The following MEF2C variants were observed in gnomAD, a reference collection of about 807,000 sequenced individuals.
The protein encoded by MEF2C is myocyte-specific enhancer factor 2C.
MEF2C carries 6 observed loss-of-function variants against 50.5 expected under a neutral mutation model. The observed-to-expected ratio is 0.12, with a 90% CI of 0.07 to 0.23. The LOEUF (loss-of-function observed/expected upper bound fraction) is 0.23, where lower values mean the gene tolerates loss of function less well. Among genes scored for constraint, MEF2C ranks in the 10% least tolerant of loss-of-function variants. The pLI, the probability that MEF2C is intolerant of heterozygous loss-of-function variation, is 1.00. For synonymous variants in MEF2C, 183 were observed against 228.0 expected, an observed-to-expected ratio of 0.80 and a Z score of 1.78; for missense variants, 276 against 605.0, an observed-to-expected ratio of 0.46 and a Z score of 5.70.
chr5:88,843,234 TA>T (rs895815640), intron 1 of MEF2C: 8,907 of 604,212 alleles, frequency 0.015, 1 homozygote, highest in Non-Finnish European at 0.016. Flanking sequence ...AATTCTATGG[TA>T]AAAAAAAAAG....
chr5:88,845,785 G>A (rs973495766), intron 1 of MEF2C, among the ~76,000 whole-genome samples: 3 of 152,100 alleles, frequency 2.0e-5, no homozygotes, highest in East Asian at 1.9e-4. Flanking sequence ...TCGCTCTGTC[G>A]CCAGGCTGGA....
At chr5:88,821,105 TAA>T (rs1174061057) in intron 2 of MEF2C, among the ~76,000 whole-genome samples, 1 of 151,996 alleles carries the variant, frequency 6.6e-6, no homozygotes, top group Non-Finnish European at 1.5e-5. Flanking sequence ...AAAAAAATGA[TAA>T]GTCAAACTAA....
chr5:88,812,631 ATAAT>A (rs1803377891), intron 2 of MEF2C, among the ~76,000 whole-genome samples: 3 of 152,236 alleles, frequency 2.0e-5, no homozygotes, highest in South Asian at 4.1e-4. Context: ...CAACGATTTT[ATAAT>A]TAATTATCTC....
At chr5:88,764,625 T>A (rs866884047) in intron 3 of MEF2C, among the ~76,000 whole-genome samples, 56 of 152,070 alleles carry the variant, frequency 3.7e-4, no homozygotes, top group African/African-American at 1.2e-3. Flanking sequence ...CTGGCCAGCA[T>A]GGTGAAACCT....
At chr5:88,743,129 T>G in intron 6 of MEF2C, 2 of 936,228 alleles carry the variant, frequency 2.1e-6, no homozygotes, top group Non-Finnish European at 2.5e-6. Context: ...ATTTGCTGCT[T>G]AATAATATTT....
At chr5:88,863,269 A>T (rs921041759) in intron 1 of MEF2C, among the ~76,000 whole-genome samples, 3 of 152,234 alleles carry the variant, frequency 2.0e-5, no homozygotes, top group Admixed American at 1.3e-4. Flanking sequence ...ATCAGACTGA[A>T]TTCCTCAACA....
At chr5:88,835,295 T>C (rs1814636775) in intron 1 of MEF2C, among the ~76,000 whole-genome samples, 1 of 152,192 alleles carries the variant, frequency 6.6e-6, no homozygotes, top group Non-Finnish European at 1.5e-5. Flanking sequence ...ATTTATTTCA[T>C]CTCTCAAAGG....
chr5:88,753,354 T>G (rs1321274759), intron 4 of MEF2C, among the ~76,000 whole-genome samples: 1 of 152,156 alleles, frequency 6.6e-6, no homozygotes, highest in African/African-American at 2.4e-5. Flanking sequence ...CTTTCACACA[T>G]CTTTGATTTT....
At chr5:88,739,147 T>C (rs1765365233) in intron 6 of MEF2C, 1 of 984,904 alleles carries the variant, frequency 1.0e-6, no homozygotes, top group African/African-American at 1.7e-5. Context: ...TATCTGCGAT[T>C]AGTTGTTACC....
At position 88,810,739 on chromosome 5, in the gene MEF2C, T is replaced by C. The variant is rs548023918; in HGVS notation, c.55-5938A>G. 1.5e-4 allele frequency among the ~76,000 whole-genome samples: 23 copies of C among 152,234 alleles called. No individual in the cohort carries two copies. The East Asian group carries it at 3.9e-3, about 26-fold the overall frequency. The stretch of plus-strand genomic sequence containing the variant: ...AAGTCTCTAGTAAAGTGCCATAGAA[T>C]TCAGTACTTTTCCCATCCCAGGAGA... On this transcript the variant is annotated intron_variant, in intron 2 of 10. Transcript: ENST00000504921.
chr5:88,753,554 TA>T, intron 4 of MEF2C, among the ~76,000 whole-genome samples: 1 of 152,220 alleles, frequency 6.6e-6, no homozygotes, highest in East Asian at 1.9e-4. Context: ...CACGCCCAGC[TA>T]TTTTTTTGTA....
rs140498654 is a variant in MEF2C, at chr5:88,778,363, A to C, written c.259-17035T>G. Among the ~76,000 whole-genome samples, 278 of 152,324 alleles carry C rather than the reference A, an allele frequency of 1.8e-3. 11 individuals carry two copies. In the East Asian group the frequency reaches 0.04, roughly 22 times the overall value. The stretch of plus-strand genomic sequence containing the variant: ...CCTCAAGTCTCTGTGACTAACAAAA[A>C]GGTCCACTTTATTATTTTGGCACCT... On this transcript the variant is annotated intron_variant, in intron 3 of 10. Coordinates refer to ENST00000504921, the MANE Select transcript of MEF2C (RefSeq NM_002397.5).
intron 3 of MEF2C, among the ~76,000 whole-genome samples, chr5:88,796,849 A>G (rs1580850621): frequency 6.6e-6 from 1 of 152,208 alleles, no homozygotes; most frequent in South Asian, 2.1e-4. Context: ...GTTTCAAAGA[A>G]CTTACTTATT....
chr5:88,784,524 T>C (rs1422894709), intron 3 of MEF2C, among the ~76,000 whole-genome samples: 1 of 152,214 alleles, frequency 6.6e-6, no homozygotes, highest in African/African-American at 2.4e-5. Context: ...GTAGTACTCT[T>C]TCTGTATGAT....
intron 3 of MEF2C, among the ~76,000 whole-genome samples, chr5:88,765,040 G>A (rs2152715762): frequency 6.6e-6 from 1 of 152,132 alleles, no homozygotes; most frequent in Admixed American, 6.6e-5. Flanking sequence ...AACAAACAAG[G>A]CAGGTGGCAT....
intron 1 of MEF2C, among the ~76,000 whole-genome samples, chr5:88,859,937 C>T (rs1824919420): frequency 1.3e-5 from 2 of 152,112 alleles, no homozygotes; most frequent in African/African-American, 2.4e-5. Context: ...TCATAAAGTT[C>T]GATAGGGCAA....
chr5:88,780,617 C>T lies in MEF2C; in HGVS notation c.259-19289G>A, dbSNP rs182639705. On this transcript the variant is annotated intron_variant, in intron 3 of 10. Coordinates refer to ENST00000504921, the MANE Select transcript of MEF2C (RefSeq NM_002397.5). Reference sequence around the variant, plus strand: ...TATCCTCACTGCCATGAAAATACTGCGGGAGCCAGGGCAAAGATACTTAAG... The same window carrying T: ...TATCCTCACTGCCATGAAAATACTGTGGGAGCCAGGGCAAAGATACTTAAG... 56 of 296,634 alleles carry T rather than the reference C, an allele frequency of 1.9e-4. 1 individual carries two copies. The East Asian group carries it at 5.2e-3, about 28-fold the overall frequency. The allele number at this position is 296,634 out of a possible 1,614,324, so 18.4% of individuals were successfully genotyped here. A position where few individuals can be genotyped will look rare whatever the true frequency, so the allele number is the denominator to read the frequency against.
chr5:88,819,842 T>C (rs544995782), intron 2 of MEF2C, among the ~76,000 whole-genome samples: 1 of 151,932 alleles, frequency 6.6e-6, no homozygotes, highest in Non-Finnish European at 1.5e-5. Context: ...AGGGCAGAGC[T>C]GAGTAGTTGA....
chr5:88,887,399 G>C (rs963459428), upstream of MEF2C: 1 of 152,226 alleles, frequency 6.6e-6, no homozygotes, highest in Admixed American at 6.5e-5. Context: ...CTTTATTATT[G>C]TTATACACGT....
Sources: allele counts gnomAD v4.1 joint callset (sites outside exome capture counted in the v4.1 genomes callset), GRCh38; gene constraint gnomAD v4.1.1; transcripts MANE v1.5; gene names NCBI Gene and HGNC (gene_info 2026-07-23, HGNC 2026-07-21).